The following NTS variants were observed in gnomAD, a reference collection of about 807,000 sequenced individuals.
NTS encodes neurotensin/neuromedin N.
A neutral mutation model predicts 19.5 loss-of-function variants in NTS; 20 were observed. The observed-to-expected ratio is 1.02, with a 90% CI of 0.72 to 1.49. NTS has a LOEUF of 1.49. NTS is among the 40% of genes most tolerant of loss of function. The probability of loss-of-function intolerance (pLI) is 0.00; values close to 1 mark genes in which losing one functional copy is unlikely to be tolerated. For missense variants in NTS, 215 were observed against 193.1 expected (o/e 1.11, Z -0.67); for synonymous variants, 71 against 63.3 (o/e 1.12, Z -0.58).
Position 85,882,542 on chromosome 12 carries a change from C to G in NTS, c.*167C>G, listed in dbSNP as rs745745905. The G allele has an allele frequency of 5.4e-5, 29 of 535,120 alleles. No homozygotes were observed. Among genetic ancestry groups the G allele is most frequent in the Non-Finnish European group, 8.8e-5 (27 of 307,990 alleles). 33.1% of individuals were successfully genotyped at this position (535,120 alleles called of 1,614,324 possible). On this transcript the variant is annotated 3_prime_UTR_variant, in exon 4 of 4. Transcript: ENST00000256010. ...TAATATAAATTAGACTAAGTGTTTTCAAATAAATCTAAATCTTCAGCATGA... is the reference window on the plus strand; with the variant it reads ...TAATATAAATTAGACTAAGTGTTTTGAAATAAATCTAAATCTTCAGCATGA...
chr12:85,876,495 G>A (rs1881347054), intron 1 of NTS, 145 bp from the exon 2 acceptor site: 1 of 436,894 alleles, frequency 2.3e-6, no homozygotes, highest in Admixed American at 4.3e-5. Context: ...ACTATAATTT[G>A]TTTTTTAGGA....
intron 3 of NTS, among the ~76,000 whole-genome samples, chr12:85,879,085 T>C (rs1881416554): frequency 6.8e-6 from 1 of 146,870 alleles, no homozygotes; most frequent in African/African-American, 2.5e-5. Flanking sequence ...GTACATAAAA[T>C]ATATTTTTAT....
intron 2 of NTS, among the ~76,000 whole-genome samples, chr12:85,877,153 T>C (rs536740721): frequency 4.6e-5 from 7 of 152,126 alleles, no homozygotes; most frequent in Admixed American, 3.9e-4. Context: ...GGGATAGCAA[T>C]GGACTGGTAA....
chr12:85,879,711 A>G (rs1881455122), intron 3 of NTS, among the ~76,000 whole-genome samples: 1 of 122,404 alleles, frequency 8.2e-6, no homozygotes, highest in Admixed American at 8.1e-5. Context: ...TATGTATATA[A>G]AATATATTTT....
In NTS at chr12:85,878,566, G is replaced by C. The variant is rs1334636973; in HGVS notation, c.357G>C (p.Trp119Cys). 1 of 1,593,684 alleles carries C rather than the reference G, an allele frequency of 6.3e-7. No individual in the cohort carries two copies. Among genetic ancestry groups the C allele is most frequent in the Non-Finnish European group, 8.6e-7 (1 of 1,165,206 alleles). Reference sequence around the variant, plus strand: ...GTCACAGCAGGGCTTTTCAACACTGGGAGGTATAGCAATAACAAAATATTA... The same window carrying C: ...GTCACAGCAGGGCTTTTCAACACTGCGAGGTATAGCAATAACAAAATATTA... Reference protein sequence around the residue: ...KICHSRAFQHWELIQEDILDT... With the variant: ...KICHSRAFQHCELIQEDILDT... The change falls in exon 3 of 4, where the codon TGG becomes TGC. Residue 119 changes from tryptophan (W) to cysteine (C), a missense_variant. By Grantham distance (215) the Trp-to-Cys change is radical. Coordinates refer to ENST00000256010, the MANE Select transcript of NTS (RefSeq NM_006183.5).
intron 3 of NTS, among the ~76,000 whole-genome samples, chr12:85,879,032 AT>A (rs1881412691): frequency 1.4e-5 from 2 of 141,474 alleles, no homozygotes; most frequent in Non-Finnish European, 3.2e-5. Flanking sequence ...AAATAAAAAT[AT>A]ATTTTTATGT....
chr12:85,881,768 A>G (rs757432380), intron 3 of NTS, among the ~76,000 whole-genome samples: 14 of 152,142 alleles, frequency 9.2e-5, no homozygotes, highest in Non-Finnish European at 1.9e-4. Context: ...TGAATATAAC[A>G]TTTTGTTACC....
At position 85,878,375 on chromosome 12, in the gene NTS, A is replaced by C; in HGVS notation, c.166A>C (p.Met56Leu). The C allele has an allele frequency of 6.2e-7, 1 of 1,610,252 alleles. No homozygotes were observed. Among genetic ancestry groups the C allele is most frequent in the African/African-American group, 1.3e-5 (1 of 74,942 alleles). ...TAAAGCACATGTTCCCTCTTGGAAG[A>C]TGACTCTGCTAAATGTTTGCAGTCT... ...ISKAHVPSWK[M>L]TLLNVCSLVN... Residue 56 changes from methionine to leucine, a missense_variant, in exon 3 of 4, where the codon ATG (methionine) becomes CTG (leucine). Transcript: ENST00000256010.
Position 85,882,974 on chromosome 12 carries a change from C to A in NTS, c.*599C>A, listed in dbSNP as rs1209483946. The stretch of plus-strand genomic sequence containing the variant: ...ATGAACTTGATAGCTAATAAAAAGA[C>A]AACTAGCCATCAAAATCATATGTTT... On this transcript the variant is annotated 3_prime_UTR_variant, in exon 4 of 4. Transcript: ENST00000256010. The A allele has an allele frequency of 6.6e-6, 1 of 151,986 alleles. No individual in the cohort carries two copies. Among genetic ancestry groups the A allele is most frequent in the Non-Finnish European group, 1.5e-5 (1 of 67,922 alleles). 9.4% of individuals were successfully genotyped at this position (151,986 alleles called of 1,614,324 possible). A position where few individuals can be genotyped will look rare whatever the true frequency, so the allele number is the denominator to read the frequency against.
chr12:85,879,184 AT>A (rs5799760), intron 3 of NTS, among the ~76,000 whole-genome samples: 3,025 of 7,032 alleles, frequency 0.43, 341 homozygotes, highest in East Asian at 0.65. Flanking sequence ...CGTAAAATAT[AT>A]TTTTATGTAT....
At chr12:85,878,189 A>G (rs1342283716) in intron 2 of NTS, 156 bp from the exon 3 acceptor site, 1 of 559,368 alleles carries the variant, frequency 1.8e-6, no homozygotes, top group African/African-American at 1.9e-5. Flanking sequence ...GGCAGTATAC[A>G]ACTTTGTGAA....
intron 1 of NTS, 72 bp downstream of exon 1, chr12:85,874,548 T>G (rs1437166210): frequency 8.8e-6 from 9 of 1,026,086 alleles, no homozygotes; most frequent in Non-Finnish European, 1.4e-5. Flanking sequence ...TTGCTACTTA[T>G]GTTAATGTAT....
rs138660407 is a variant in NTS at position 85,878,319 on chromosome 12, G to A, written c.136-26G>A. 5.2e-4 allele frequency: 789 copies of A among 1,504,220 alleles called. 4 individuals carry two copies. In the African/African-American group the frequency reaches 9.6e-3, roughly 18 times the overall value. The allele number at this position is 1,504,220 out of a possible 1,614,324, so 93.2% of individuals were successfully genotyped here. On this transcript the variant is annotated intron_variant, in intron 2 of 3. Transcript: ENST00000256010. Reference sequence around the variant, plus strand: ...TGCTCATGTAACACAAGTTTTAATTGCAGGGGTTTTTTTAATATATTTCAG... The same window carrying A: ...TGCTCATGTAACACAAGTTTTAATTACAGGGGTTTTTTTAATATATTTCAG...
intron 1 of NTS, among the ~76,000 whole-genome samples, chr12:85,875,341 A>C (rs1881317055): frequency 6.6e-6 from 1 of 152,124 alleles, no homozygotes; most frequent in Non-Finnish European, 1.5e-5. Flanking sequence ...CTTCAAAGGG[A>C]AAAGAACACA....
At position 85,876,533 on chromosome 12, in the gene NTS, A is replaced by C. The variant is rs557712787; in HGVS notation, c.74-107A>C. 2.6e-5 allele frequency: 14 copies of C among 535,340 alleles called. No individual in the cohort carries two copies. The South Asian group carries it at 6.8e-4, about 26-fold the overall frequency. 33.2% of individuals were successfully genotyped at this position (535,340 alleles called of 1,614,324 possible). A position where few individuals can be genotyped will look rare whatever the true frequency, so the allele number is the denominator to read the frequency against. On this transcript the variant is annotated intron_variant, in intron 1 of 3. Transcript: ENST00000256010. ...ACTATTTTTAAGAAAATACATAAGAAAGACACTAACCTCTAAGATTTTTTT... is the reference window on the plus strand; with the variant it reads ...ACTATTTTTAAGAAAATACATAAGACAGACACTAACCTCTAAGATTTTTTT...
At chr12:85,876,176 T>C (rs1444666045) in intron 1 of NTS, among the ~76,000 whole-genome samples, 1 of 152,008 alleles carries the variant, frequency 6.6e-6, no homozygotes, top group Admixed American at 6.6e-5. Flanking sequence ...ATCTTTATTA[T>C]TCTAAAATTA....
At chr12:85,879,048 A>C (rs1592550034) in intron 3 of NTS, among the ~76,000 whole-genome samples, 1 of 130,612 alleles carries the variant, frequency 7.7e-6, no homozygotes, top group Non-Finnish European at 1.8e-5. Context: ...TTATGTACAT[A>C]AAATATATTT....
chr12:85,877,798 A>G (rs1240108355), intron 2 of NTS, among the ~76,000 whole-genome samples: 1 of 152,142 alleles, frequency 6.6e-6, no homozygotes, highest in Non-Finnish European at 1.5e-5. Flanking sequence ...AAAATGGGAT[A>G]AGTTAGGTGT....
chr12:85,878,243 T>C, intron 2 of NTS, 102 bp from the exon 3 acceptor site: 1 of 759,088 alleles, frequency 1.3e-6, no homozygotes, highest in South Asian at 2.0e-5. Flanking sequence ...TAGACTGGAG[T>C]AGCAATTAGA....
Sources: gnomAD v4.1 joint callset for allele counts (sites outside exome capture counted in the v4.1 genomes callset) on GRCh38, gnomAD v4.1.1 for gene constraint, MANE v1.5 for transcripts, NCBI Gene and HGNC (gene_info 2026-07-23, HGNC 2026-07-21) for gene names.